TSHZ2: variants seen among roughly 807,000 people sequenced by gnomAD.
The protein encoded by TSHZ2 is teashirt homolog 2.
TSHZ2 carries 21 observed loss-of-function variants against 74.4 expected under a neutral mutation model. The observed-to-expected ratio is 0.28, with a 90% CI of 0.20 to 0.41. The LOEUF is 0.41. Ranked by LOEUF, TSHZ2 falls within the 10% of genes least tolerant of loss-of-function variation. TSHZ2 has a pLI of 1.00. For missense variants in TSHZ2, 1,244 were observed against 1,293.5 expected, an observed-to-expected ratio of 0.96 and a Z score of 0.59; for synonymous variants, 540 against 515.3, an observed-to-expected ratio of 1.05 and a Z score of -0.65.
intron 1 of TSHZ2, among the ~76,000 whole-genome samples, chr20:53,153,572 CAG>C (rs1386465550): frequency 2.6e-5 from 4 of 152,176 alleles, no homozygotes; most frequent in African/African-American, 9.7e-5. Context: ...GGTTCAATGT[CAG>C]AACAGACCCT....
intron 1 of TSHZ2, among the ~76,000 whole-genome samples, chr20:53,101,353 G>A (rs1490391903): frequency 2.0e-5 from 3 of 152,118 alleles, no homozygotes; most frequent in African/African-American, 2.4e-5. Flanking sequence ...AAAGGAGGGG[G>A]GAGTGATAGT....
chr20:53,111,881 A>T (rs996173617), intron 1 of TSHZ2, among the ~76,000 whole-genome samples: 1 of 150,336 alleles, frequency 6.7e-6, no homozygotes, highest in Non-Finnish European at 1.5e-5. Context: ...AGAGCTTACA[A>T]TCCTTGGGGG....
At chr20:53,286,369 CAG>C (rs1991166906) in intron 2 of TSHZ2, among the ~76,000 whole-genome samples, 1 of 152,192 alleles carries the variant, frequency 6.6e-6, no homozygotes, top group South Asian at 2.1e-4. Flanking sequence ...AATAAGAAAA[CAG>C]AGTTCAGGAT....
chr20:52,983,259 C>T (rs1170979920), intron 1 of TSHZ2, among the ~76,000 whole-genome samples: 1 of 152,186 alleles, frequency 6.6e-6, no homozygotes, highest in African/African-American at 2.4e-5. Flanking sequence ...AAGAATTTTG[C>T]TCACCTCACA....
intron 1 of TSHZ2, among the ~76,000 whole-genome samples, chr20:53,087,607 A>AAGGATC (rs1410350422): frequency 6.6e-6 from 1 of 152,200 alleles, no homozygotes; most frequent in Non-Finnish European, 1.5e-5. Context: ...CTGTTAAAAG[A>AAGGATC]AGGATCAGAA....
chr20:53,090,598 A>C (rs543383891), intron 1 of TSHZ2, among the ~76,000 whole-genome samples: 2 of 152,298 alleles, frequency 1.3e-5, no homozygotes, highest in South Asian at 4.1e-4. Context: ...ACTGAGGTGC[A>C]CCATTTCCCC....
intron 1 of TSHZ2, among the ~76,000 whole-genome samples, chr20:53,044,231 C>T (rs566984177): frequency 2.6e-5 from 4 of 152,340 alleles, no homozygotes; most frequent in African/African-American, 7.2e-5. Flanking sequence ...TTCCTCTGAA[C>T]GTCATATCAG....
intron 1 of TSHZ2, among the ~76,000 whole-genome samples, chr20:53,177,599 G>C (rs535930339): frequency 1.3e-5 from 2 of 152,144 alleles, no homozygotes; most frequent in African/African-American, 4.8e-5. Context: ...CTTTACCTTC[G>C]GGGCCCCTCG....
At chr20:53,395,429 T>C (rs563548956) in intron 2 of TSHZ2, among the ~76,000 whole-genome samples, 1 of 152,338 alleles carries the variant, frequency 6.6e-6, no homozygotes, top group Admixed American at 6.5e-5. Flanking sequence ...TACGTTTATT[T>C]CCTGTCTGGG....
At chr20:53,049,985 G>C (rs1170709685) in intron 1 of TSHZ2, among the ~76,000 whole-genome samples, 1 of 151,264 alleles carries the variant, frequency 6.6e-6, no homozygotes, top group Non-Finnish European at 1.5e-5. Flanking sequence ...CGGAGGCTGA[G>C]GCAAGAGAAT....
intron 2 of TSHZ2, among the ~76,000 whole-genome samples, chr20:53,299,895 T>C (rs943923464): frequency 6.6e-6 from 1 of 152,244 alleles, no homozygotes; most frequent in Non-Finnish European, 1.5e-5. Flanking sequence ...TGATAGCATA[T>C]TTTTTATCTT....
chr20:53,264,271 G>A (rs899879601), intron 2 of TSHZ2, among the ~76,000 whole-genome samples: 1 of 152,114 alleles, frequency 6.6e-6, no homozygotes, highest in Non-Finnish European at 1.5e-5. Context: ...GCTCAGAGAA[G>A]GCATTTCAGG....
intron 2 of TSHZ2, among the ~76,000 whole-genome samples, chr20:53,346,882 C>T (rs1489918090): frequency 6.6e-6 from 1 of 152,170 alleles, no homozygotes; most frequent in African/African-American, 2.4e-5. Flanking sequence ...AGTCTCAAAG[C>T]TATTAATATA....
intron 1 of TSHZ2, among the ~76,000 whole-genome samples, chr20:52,979,486 T>C (rs997518160): frequency 6.6e-6 from 1 of 152,164 alleles, no homozygotes; most frequent in African/African-American, 2.4e-5. Context: ...TGTCCAAGGG[T>C]ATCAGACTGA....
chr20:53,376,672 G>T (rs543190594), intron 2 of TSHZ2, among the ~76,000 whole-genome samples: 10 of 152,276 alleles, frequency 6.6e-5, no homozygotes, highest in South Asian at 2.1e-4. Context: ...TAGAATGGCT[G>T]AAACAACTGA....
At chr20:53,401,519 T>C (rs1234662706) in intron 2 of TSHZ2, among the ~76,000 whole-genome samples, 2 of 151,212 alleles carry the variant, frequency 1.3e-5, no homozygotes, top group East Asian at 3.9e-4. Flanking sequence ...CTATACACAA[T>C]GTGTGGTTCC....
At chr20:53,110,375 C>T (rs1986498553) in intron 1 of TSHZ2, among the ~76,000 whole-genome samples, 1 of 152,090 alleles carries the variant, frequency 6.6e-6, no homozygotes, top group Non-Finnish European at 1.5e-5. Context: ...CCCTCTCTTG[C>T]TGCTCACACT....
chr20:53,089,962 T>C (rs1985827517), intron 1 of TSHZ2, among the ~76,000 whole-genome samples: 1 of 152,244 alleles, frequency 6.6e-6, no homozygotes, highest in Non-Finnish European at 1.5e-5. Context: ...ATAGGCCATC[T>C]GCAAGCTGAG....
At chr20:53,386,533 C>T (rs1982052704) in intron 2 of TSHZ2, among the ~76,000 whole-genome samples, 1 of 152,212 alleles carries the variant, frequency 6.6e-6, no homozygotes, top group African/African-American at 2.4e-5. Flanking sequence ...ATTTGGCTAT[C>T]AGGCATGAAA....
Sources: gnomAD v4.1 joint callset for allele counts (sites outside exome capture counted in the v4.1 genomes callset) on GRCh38, gnomAD v4.1.1 for gene constraint, MANE v1.5 for transcripts, NCBI Gene and HGNC (gene_info 2026-07-23, HGNC 2026-07-21) for gene names.